Variants in CYFIP2 observed in about 807,000 individuals in gnomAD.
CYFIP2 encodes cytoplasmic FMR1-interacting protein 2.
Under a neutral mutation model 158.7 loss-of-function variants are expected in CYFIP2, and 29 were observed. The observed-to-expected ratio is 0.18, with a 90% CI of 0.14 to 0.25. CYFIP2 has a LOEUF of 0.25. Ranked by LOEUF, CYFIP2 falls within the 10% of genes least tolerant of loss-of-function variation. The pLI is 1.00. For missense variants in CYFIP2, 852 were observed against 1,639.5 expected (o/e 0.52, Z 8.29); for synonymous variants, 585 against 617.6 (o/e 0.95, Z 0.78).
intron 23 of CYFIP2, among the ~76,000 whole-genome samples, chr5:157,354,984 G>A (rs554652608): frequency 5.3e-5 from 8 of 152,120 alleles, no homozygotes; most frequent in South Asian, 2.1e-4. Flanking sequence ...GGAAGAATGC[G>A]TTTCAGCTTG....
intron 19 of CYFIP2, among the ~76,000 whole-genome samples, chr5:157,329,818 G>C (rs1013940261): frequency 6.6e-6 from 1 of 152,218 alleles, no homozygotes; most frequent in East Asian, 1.9e-4. Flanking sequence ...ACTTTGGACA[G>C]TGTAAATATA....
At chr5:157,367,626 C>T (rs1456667456) in intron 26 of CYFIP2, among the ~76,000 whole-genome samples, 1 of 152,014 alleles carries the variant, frequency 6.6e-6, no homozygotes, top group Admixed American at 6.6e-5. Context: ...TCTCCTACTT[C>T]TACCTTTTAA....
intron 11 of CYFIP2, among the ~76,000 whole-genome samples, chr5:157,313,818 G>A (rs1759926333): frequency 6.6e-6 from 1 of 152,168 alleles, no homozygotes; most frequent in South Asian, 2.1e-4. Context: ...TTCAATCAGT[G>A]ATTCATGTCT....
At chr5:157,290,261 T>A (rs1304479502) in intron 3 of CYFIP2, among the ~76,000 whole-genome samples, 1 of 152,206 alleles carries the variant, frequency 6.6e-6, no homozygotes, top group African/African-American at 2.4e-5. Flanking sequence ...TCTTACTGAG[T>A]TAAAATCAGG....
At chr5:157,328,349 A>C (rs1397100044) in intron 19 of CYFIP2, among the ~76,000 whole-genome samples, 1 of 152,214 alleles carries the variant, frequency 6.6e-6, no homozygotes, top group African/African-American at 2.4e-5. Context: ...ACGATGGTTA[A>C]ACCTTTGGGG....
rs552665003 is a variant in CYFIP2 at position 157,361,249 on chromosome 5, G to A, written c.2909-219G>A. ...TTTGTGTGTGTGTGCATGTGTGTGC[G>A]TGTGTGTGTTCTGAAAAAGACATGA... On this transcript the variant is annotated intron_variant, in intron 25 of 30. Transcript: ENST00000620254. The surrounding 1 kb of genome is among the most constrained non-coding windows in gnomAD (Gnocchi z 4.4). Among the ~76,000 whole-genome samples the A allele has an allele frequency of 6.6e-5, 10 of 152,096 alleles. No homozygotes were observed. Among genetic ancestry groups the A allele is most frequent in the East Asian group, 1.9e-4 (1 of 5,184 alleles).
At chr5:157,296,595 A>G in intron 4 of CYFIP2, 78 bp from the exon 5 acceptor site, 1 of 1,376,052 alleles carries the variant, frequency 7.3e-7, no homozygotes, top group Non-Finnish European at 1.0e-6. Context: ...CCCTGTCTCA[A>G]AAACAAAACA....
intron 29 of CYFIP2, 22 bp downstream of exon 29, chr5:157,389,449 C>T: frequency 2.6e-6 from 4 of 1,539,738 alleles, no homozygotes; most frequent in Non-Finnish European, 3.5e-6. Flanking sequence ...CCAGAGAAGG[C>T]AGGGTTACCC....
chr5:157,286,977 G>A, intron 2 of CYFIP2, 42 bp from the exon 3 acceptor site: 1 of 1,567,972 alleles, frequency 6.4e-7, no homozygotes, highest in South Asian at 1.1e-5. Flanking sequence ...ACTTGGAACT[G>A]TTTTCTAACA....
intron 1 of CYFIP2, among the ~76,000 whole-genome samples, chr5:157,283,851 A>G (rs1757173035): frequency 1.3e-5 from 2 of 152,188 alleles, no homozygotes; most frequent in East Asian, 1.9e-4. Flanking sequence ...TCTTGTGTTG[A>G]TGGTCCTTTT....
chr5:157,383,673 T>C (rs995684459), intron 28 of CYFIP2: 3 of 221,986 alleles, frequency 1.4e-5, no homozygotes, highest in Non-Finnish European at 2.7e-5. Flanking sequence ...AAATTAAAAC[T>C]CCACATACTC....
At chr5:157,323,053 T>G (rs1581058184) in intron 15 of CYFIP2, 1 of 1,529,390 alleles carries the variant, frequency 6.5e-7, no homozygotes, top group African/African-American at 1.4e-5. Flanking sequence ...TTGGGTACCC[T>G]TCTCGAGGAG....
Position 157,311,102 on chromosome 5 carries a change from A to AGG in CYFIP2, c.993-558_993-557dup. 1.1e-5 allele frequency: 1 copy of AGG among 93,782 alleles called. No individual in the cohort carries two copies. The highest frequency in any genetic ancestry group is 1.4e-4 in the Admixed American group (1 of 7,174). The allele number at this position is 93,782 out of a possible 1,614,324, so 5.8% of individuals were successfully genotyped here. On this transcript the variant is annotated intron_variant, in intron 10 of 30. Transcript: ENST00000620254. This position sits in a 1 kb window ranked among gnomAD's most constrained non-coding sequence, Gnocchi z 4.7. ...AAGGAGAGAAGGGGGCGAGAGGTAG[A>AGG]GGGGGTGGGTGGAGGGAGGGGCCAC...
chr5:157,320,847 A>G, intron 15 of CYFIP2, 45 bp downstream of exon 15: 2 of 1,493,190 alleles, frequency 1.3e-6, no homozygotes, highest in Non-Finnish European at 1.8e-6. Flanking sequence ...CTCAGAGGCC[A>G]GCCGGGCTAT....
intron 11 of CYFIP2, among the ~76,000 whole-genome samples, chr5:157,313,178 G>A (rs1427266762): frequency 1.3e-5 from 2 of 152,238 alleles, no homozygotes; most frequent in Non-Finnish European, 2.9e-5. Context: ...TTGCTCCAAG[G>A]AGAAATCAGA....
chr5:157,377,337 G>C (rs1291506139), intron 26 of CYFIP2, among the ~76,000 whole-genome samples: 1 of 151,862 alleles, frequency 6.6e-6, no homozygotes, highest in Non-Finnish European at 1.5e-5. Context: ...TTGGCTCTCA[G>C]CCCTGCCCTA....
At chr5:157,383,567 CT>C in intron 28 of CYFIP2, 1 of 506,684 alleles carries the variant, frequency 2.0e-6, no homozygotes, top group Non-Finnish European at 3.6e-6. Context: ...CTTCTGTAGC[CT>C]GTATCATGTA....
At chr5:157,267,662 T>A (rs1343973913) in intron 1 of CYFIP2, among the ~76,000 whole-genome samples, 2 of 152,206 alleles carry the variant, frequency 1.3e-5, no homozygotes, top group Non-Finnish European at 2.9e-5. Context: ...AAGTTCCCAT[T>A]TGATGCAGAG....
chr5:157,279,107 T>C (rs1467212435), intron 1 of CYFIP2, among the ~76,000 whole-genome samples: 2 of 152,358 alleles, frequency 1.3e-5, no homozygotes, highest in South Asian at 4.1e-4. Flanking sequence ...TTTATTGTAA[T>C]TTTGTCTTTT....
Sources: allele counts gnomAD v4.1 joint callset (sites outside exome capture counted in the v4.1 genomes callset), GRCh38; gene constraint gnomAD v4.1.1; non-coding constraint Gnocchi (gnomAD v3.1); transcripts MANE v1.5; gene names NCBI Gene and HGNC (gene_info 2026-07-23, HGNC 2026-07-21).